The following ATP8A2 variants were observed in gnomAD, a reference collection of about 807,000 sequenced individuals.
ATP8A2 encodes ATPase phospholipid transporting 8A2.
In ATP8A2, 100 loss-of-function variants were observed where a neutral mutation model predicts 165.6. The ratio of observed to expected loss-of-function variants is 0.60; its 90% CI spans 0.51 to 0.71. The LOEUF (loss-of-function observed/expected upper bound fraction) is 0.71. ATP8A2 is among the 30% of genes least tolerant of loss of function. The pLI is 0.00. For synonymous variants in ATP8A2, 543 were observed against 548.8 expected (o/e 0.99, Z 0.15); for missense variants, 1,227 against 1,479.5 (o/e 0.83, Z 2.80).
intron 27 of ATP8A2, among the ~76,000 whole-genome samples, chr13:25,810,512 C>CT (rs1005383413): frequency 2.0e-4 from 28 of 141,582 alleles, no homozygotes; most frequent in Non-Finnish European, 2.9e-4. Context: ...GAACATCTGT[C>CT]TTTTTTTTTT....
At chr13:25,823,156 T>C (rs1248436057) in intron 27 of ATP8A2, among the ~76,000 whole-genome samples, 1 of 152,222 alleles carries the variant, frequency 6.6e-6, no homozygotes, top group Non-Finnish European at 1.5e-5. Context: ...CTGATTGTGT[T>C]GGGCTTTGTA....
chr13:25,411,695 A>G (rs2033970485), intron 1 of ATP8A2, among the ~76,000 whole-genome samples: 1 of 152,184 alleles, frequency 6.6e-6, no homozygotes, highest in African/African-American at 2.4e-5. Context: ...TTATTTGTGT[A>G]CACATACATA....
intron 2 of ATP8A2, among the ~76,000 whole-genome samples, chr13:25,488,779 A>G (rs1257701411): frequency 1.3e-5 from 2 of 152,092 alleles, no homozygotes; most frequent in Non-Finnish European, 2.9e-5. Context: ...TCCTTTTTCT[A>G]TGCTTTATCT....
At chr13:25,613,311 G>A (rs1472000382) in intron 24 of ATP8A2, among the ~76,000 whole-genome samples, 1 of 152,150 alleles carries the variant, frequency 6.6e-6, no homozygotes, top group Non-Finnish European at 1.5e-5. Flanking sequence ...GGCTGGGCAT[G>A]GTGGCTCACT....
intron 24 of ATP8A2, among the ~76,000 whole-genome samples, chr13:25,669,169 CAG>C (rs964096165): frequency 7.2e-5 from 11 of 151,898 alleles, no homozygotes; most frequent in African/African-American, 2.7e-4. Flanking sequence ...CCCTGGAAAT[CAG>C]ATTCTCTCCC....
intron 1 of ATP8A2, among the ~76,000 whole-genome samples, chr13:25,386,996 C>CAA (rs10677080): frequency 0.55 from 79,397 of 144,700 alleles, 23,949 homozygotes; most frequent in East Asian, 0.76. Flanking sequence ...GACTCCATCT[C>CAA]AAAAAAAACA....
Position 25,551,444 on chromosome 13 carries a change from CG to C in ATP8A2, c.1003del (p.Ala335ProfsTer30), listed in dbSNP as rs2038820746. Reference sequence around the variant, plus strand: ...TTGGTCATGGCCTTGGTGAGCTCGGCGGGGGCCCTGTACTGGAACAGGTCTC... The same window carrying C: ...TTGGTCATGGCCTTGGTGAGCTCGGCGGGGCCCTGTACTGGAACAGGTCTC... Reference protein sequence around the residue: ...ILLVMALVSSAGALYWNRSHG... With the variant: ...ILLVMALVSSXGALYWNRSHG... On this transcript the variant is annotated frameshift_variant, in exon 11 of 37. Transcript: ENST00000381655. LOFTEE classifies it high-confidence loss of function. The C allele has an allele frequency of 6.2e-7, 1 of 1,613,874 alleles. No individual in the cohort carries two copies.
rs186981906 is a variant in ATP8A2 at position 25,926,167 on chromosome 13, A to T, written c.3184-35408A>T. On this transcript the variant is annotated intron_variant, in intron 33 of 36. Coordinates refer to ENST00000381655, the MANE Select transcript of ATP8A2 (RefSeq NM_016529.6). The stretch of plus-strand genomic sequence containing the variant: ...CCATGATTCCTAACAAGACTTAAAG[A>T]CTCTCCACAATCTAACTTGTTTCCA... Among the ~76,000 whole-genome samples, 21 of 151,994 alleles carry T rather than the reference A, an allele frequency of 1.4e-4. No individual in the cohort carries two copies. The East Asian group carries it at 3.9e-3, about 28-fold the overall frequency.
At chr13:25,829,380 G>A (rs1951397797) in intron 28 of ATP8A2, among the ~76,000 whole-genome samples, 2 of 151,886 alleles carry the variant, frequency 1.3e-5, no homozygotes, top group African/African-American at 4.8e-5. Flanking sequence ...TGCTAAAAAA[G>A]CTACTCTGAC....
intron 28 of ATP8A2, among the ~76,000 whole-genome samples, chr13:25,830,080 C>T (rs1371935242): frequency 6.6e-6 from 1 of 150,956 alleles, no homozygotes; most frequent in Non-Finnish European, 1.5e-5. Context: ...GCCATCACTA[C>T]TCACTGTATC....
intron 4 of ATP8A2, among the ~76,000 whole-genome samples, chr13:25,531,006 G>A (rs2038013834): frequency 6.6e-6 from 1 of 151,852 alleles, no homozygotes; most frequent in Admixed American, 6.6e-5. Context: ...CGCTCTGCCT[G>A]AGGCAATTTT....
intron 24 of ATP8A2, among the ~76,000 whole-genome samples, chr13:25,636,920 TC>T (rs2041382528): frequency 6.6e-6 from 1 of 151,682 alleles, no homozygotes; most frequent in Admixed American, 6.6e-5. Flanking sequence ...TAGTGAGTCA[TC>T]ATCTCTATGA....
At chr13:25,413,427 G>A (rs371718532) in intron 1 of ATP8A2, among the ~76,000 whole-genome samples, 181 of 151,298 alleles carry the variant, frequency 1.2e-3, no homozygotes, top group African/African-American at 3.9e-3. Context: ...GATTACAGGC[G>A]CCCACCCCCA....
intron 28 of ATP8A2, among the ~76,000 whole-genome samples, chr13:25,830,018 T>TG (rs1465984509): frequency 6.6e-6 from 1 of 151,260 alleles, no homozygotes; most frequent in Non-Finnish European, 1.5e-5. Flanking sequence ...CAATTTTTTT[T>TG]TTTTTTTTGA....
chr13:25,873,245 G>A (rs1193958667), intron 33 of ATP8A2, among the ~76,000 whole-genome samples: 1 of 152,112 alleles, frequency 6.6e-6, no homozygotes, highest in African/African-American at 2.4e-5. Context: ...TAAAACTTGG[G>A]GACAACTGAG....
intron 25 of ATP8A2, among the ~76,000 whole-genome samples, chr13:25,742,409 C>G (rs2043933857): frequency 6.6e-6 from 1 of 151,766 alleles, no homozygotes; most frequent in Non-Finnish European, 1.5e-5. Flanking sequence ...GACCATGTGT[C>G]TCAGACAACA....
At chr13:25,994,518 T>C (rs1193254538) in intron 35 of ATP8A2, among the ~76,000 whole-genome samples, 1 of 152,170 alleles carries the variant, frequency 6.6e-6, no homozygotes, top group Non-Finnish European at 1.5e-5. Context: ...GGTGTTTTTG[T>C]AGATGCTCTT....
At chr13:25,442,315 C>T (rs1294367013) in intron 1 of ATP8A2, among the ~76,000 whole-genome samples, 2 of 152,202 alleles carry the variant, frequency 1.3e-5, no homozygotes, top group African/African-American at 4.8e-5. Flanking sequence ...TTTTAAGGAA[C>T]TGCCATACTG....
Position 25,472,167 on chromosome 13 carries a change from G to A in ATP8A2, c.221+3046G>A, listed in dbSNP as rs866760984. 5.3e-5 allele frequency among the ~76,000 whole-genome samples: 8 copies of A among 152,194 alleles called. No individual in the cohort carries two copies. In the South Asian group the frequency reaches 1.7e-3, roughly 31 times the overall value. ...CCAGCACTTTGGGAGGCCAAGGTGG[G>A]TGGATCACTTGAAGCCAGGAGTTTG... On this transcript the variant is annotated intron_variant, in intron 2 of 36. Transcript: ENST00000381655.
Sources: gnomAD v4.1 joint callset for allele counts (sites outside exome capture counted in the v4.1 genomes callset) on GRCh38, gnomAD v4.1.1 for gene constraint, MANE v1.5 for transcripts, NCBI Gene and HGNC (gene_info 2026-07-23, HGNC 2026-07-21) for gene names.